PHC3: variants seen among roughly 807,000 people sequenced by gnomAD.
PHC3 encodes polyhomeotic homolog 3, also known as polyhomeotic-like protein 3.
A neutral mutation model predicts 107.4 loss-of-function variants in PHC3; 13 were observed. The observed-to-expected ratio is 0.12, with a 90% CI of 0.08 to 0.19. PHC3 has a LOEUF of 0.19. Among genes scored for constraint, PHC3 ranks in the 10% least tolerant of loss-of-function variants. The pLI, the probability that PHC3 is intolerant of heterozygous loss-of-function variation, is 1.00. For missense variants in PHC3, 992 were observed against 1,210.9 expected, an observed-to-expected ratio of 0.82 and a Z score of 2.68; for synonymous variants, 456 against 427.4, an observed-to-expected ratio of 1.07 and a Z score of -0.83.
At chr3:170,111,258 AGAAGAAGGAAGGAAG>A (rs1473738259) in intron 11 of PHC3, among the ~76,000 whole-genome samples, 143 of 139,702 alleles carry the variant, frequency 1.0e-3, no homozygotes, top group Non-Finnish European at 1.9e-3. Flanking sequence ...CTTTAAAACA[AGAAGAAGGAAGGAAG>A]GAAGGAAGGA....
At chr3:170,146,643 C>G (rs1725011719) in intron 5 of PHC3, among the ~76,000 whole-genome samples, 1 of 149,480 alleles carries the variant, frequency 6.7e-6, no homozygotes, top group Non-Finnish European at 1.5e-5. Context: ...AGCGATTCTC[C>G]TGCCTCAGCT....
At position 170,181,727 on chromosome 3, in the gene PHC3, C is replaced by T; in HGVS notation, c.-12G>A. ...TCCGCTTCCGCCATCTTCTCTCCTC[C>T]ATCACTAACATGGGCTGCGCATGCG... is the stretch of plus-strand genomic sequence containing the variant. On this transcript the variant is annotated 5_prime_UTR_variant, in exon 1 of 15. An upstream start codon of the reference 5' UTR is lost. Transcript: ENST00000495893. 2.4e-5 allele frequency: 38 copies of T among 1,612,624 alleles called. No individual in the cohort carries two copies. Among genetic ancestry groups the T allele is most frequent in the Non-Finnish European group, 3.1e-5 (37 of 1,179,798 alleles).
At position 170,130,412 on chromosome 3, in the gene PHC3, C is replaced by T. The variant is rs999029215; in HGVS notation, c.920-860G>A. Among the ~76,000 whole-genome samples, 6 of 152,026 alleles carry T rather than the reference C, an allele frequency of 3.9e-5. No individual in the cohort carries two copies. The East Asian group carries it at 1.2e-3, about 29-fold the overall frequency. ...GATGAGGGTATATATATCATTTGAC[C>T]CAGGAAGAGAAAATATTTTGTATAA... On this transcript the variant is annotated intron_variant, in intron 7 of 14. Transcript: ENST00000495893.
Position 170,129,481 on chromosome 3 carries a change from T to C in PHC3, c.991A>G (p.Lys331Glu), listed in dbSNP as rs1365396518. 6.2e-7 allele frequency: 1 copy of C among 1,613,798 alleles called. No individual in the cohort carries two copies. The highest frequency in any genetic ancestry group is 8.5e-7 in the Non-Finnish European group (1 of 1,179,804). Residue 331 changes from lysine to glutamate, a missense_variant, in exon 8 of 15, where the codon AAA becomes GAA. By Grantham distance (56) the Lys-to-Glu change is moderately conservative. This residue lies in a region of PHC3 where 543 missense variants were observed against 590.8 expected (regional missense o/e 0.92). Coordinates refer to ENST00000495893, the MANE Select transcript of PHC3 (RefSeq NM_024947.4). ...AATATCAGCTGATGATGGGAAACTT[T>C]GGAAGGTGGTGAATGAAGAGGAATC... Reference protein sequence around the residue: ...QQIPLHSPPSKVSHHQLILQQ... With the variant: ...QQIPLHSPPSEVSHHQLILQQ...
rs189255677 is a variant in PHC3, at chr3:170,112,047, A to G, written c.2353+1313T>C. On this transcript the variant is annotated intron_variant, in intron 11 of 14. Transcript: ENST00000495893. ...CTATCACCTGAAGGGCCATGATCAA[A>G]AAGATGCTCCTATAGAACACGGCAA... Among the ~76,000 whole-genome samples the G allele has an allele frequency of 2.5e-3, 384 of 152,326 alleles. 2 individuals carry two copies. The highest frequency in any genetic ancestry group is 4.5e-3 in the Non-Finnish European group (304 of 68,030).
In PHC3 at chr3:170,087,754, C is replaced by T. The variant is rs538724906; in HGVS notation, c.*9476G>A. The stretch of plus-strand genomic sequence containing the variant: ...ATTCTATATGAAAATGTGCAGGTAA[C>T]AAAGGTGCAATTACAAGCAAGTTAA... On this transcript the variant is annotated 3_prime_UTR_variant, in exon 15 of 15. Coordinates refer to ENST00000495893, the MANE Select transcript of PHC3 (RefSeq NM_024947.4). 2.0e-5 allele frequency: 3 copies of T among 152,210 alleles called. No homozygotes were observed. The South Asian group carries it at 6.2e-4, about 32-fold the overall frequency. The allele number at this position is 152,210 out of a possible 1,614,324, so 9.4% of individuals were successfully genotyped here.
intron 10 of PHC3, among the ~76,000 whole-genome samples, chr3:170,115,936 GCTAT>G (rs569633558): frequency 3.3e-5 from 5 of 151,306 alleles, no homozygotes; most frequent in Non-Finnish European, 5.9e-5. Context: ...TGATTGGGTA[GCTAT>G]CTATCATAAT....
chr3:170,135,994 T>C (rs1162457334), intron 7 of PHC3, among the ~76,000 whole-genome samples: 1 of 152,074 alleles, frequency 6.6e-6, no homozygotes, highest in African/African-American at 2.4e-5. Flanking sequence ...ATAAGGAAAA[T>C]AATTATGCAT....
chr3:170,145,345 T>C (rs143991091), intron 6 of PHC3, 78 bp downstream of exon 6: 87 of 1,215,012 alleles, frequency 7.2e-5, no homozygotes, highest in Admixed American at 1.8e-4. Flanking sequence ...ATCAGTAACT[T>C]AAACACAAAT....
At chr3:170,172,864 A>G (rs146571158) in intron 2 of PHC3, among the ~76,000 whole-genome samples, 152 bp from the exon 3 acceptor site, 1,853 of 152,242 alleles carry the variant, frequency 0.012, 40 homozygotes, top group African/African-American at 0.042. Flanking sequence ...TCCTAGTTAC[A>G]TATCACTAGA....
chr3:170,132,558 A>T (rs1186747122), intron 7 of PHC3, among the ~76,000 whole-genome samples: 2 of 152,212 alleles, frequency 1.3e-5, no homozygotes, highest in Non-Finnish European at 2.9e-5. Flanking sequence ...AAGACATCAG[A>T]GAGCTTCTGC....
chr3:170,171,819 T>C (rs1729643727), intron 3 of PHC3, among the ~76,000 whole-genome samples: 1 of 152,206 alleles, frequency 6.6e-6, no homozygotes, highest in African/African-American at 2.4e-5. Context: ...AAACATGTTA[T>C]TTAAAAATTA....
chr3:170,100,839 C>G (rs543406277), intron 14 of PHC3, among the ~76,000 whole-genome samples: 1 of 152,038 alleles, frequency 6.6e-6, no homozygotes, highest in South Asian at 2.1e-4. Context: ...ATTATTTGGG[C>G]AACTACTTTT....
At chr3:170,118,234 GAAC>G (rs960101996) in intron 9 of PHC3, among the ~76,000 whole-genome samples, 1 of 152,130 alleles carries the variant, frequency 6.6e-6, no homozygotes, top group African/African-American at 2.4e-5. Context: ...GAAATCCACA[GAAC>G]AAGTAGATTT....
intron 1 of PHC3, among the ~76,000 whole-genome samples, chr3:170,179,454 A>T (rs889878038): frequency 4.6e-5 from 7 of 152,214 alleles, no homozygotes; most frequent in Non-Finnish European, 5.9e-5. Context: ...TTTTTAAAAA[A>T]TGTTAAAAAG....
chr3:170,147,502 A>G (rs1428376729), intron 5 of PHC3: 1 of 152,218 alleles, frequency 6.6e-6, no homozygotes, highest in Non-Finnish European at 1.5e-5. Flanking sequence ...TCAAAACAAT[A>G]TTCATTTAAA....
chr3:170,168,089 G>A (rs1172333093), intron 4 of PHC3, among the ~76,000 whole-genome samples: 1 of 152,072 alleles, frequency 6.6e-6, no homozygotes. Context: ...TTGAGCCTGG[G>A]AGATTGAGGC....
chr3:170,102,914 T>C lies in PHC3; in HGVS notation c.2489A>G (p.Lys830Arg), dbSNP rs1345994352. Residue 830 changes from lysine (K) to arginine (R), a missense_variant, in exon 13 of 15, where the codon AAA (lysine) becomes AGA (arginine). By Grantham distance (26) the Lys-to-Arg change is conservative. Coordinates refer to ENST00000495893, the MANE Select transcript of PHC3 (RefSeq NM_024947.4). ...ATTCCAACGACTAAGTGCAAATTTT[T>C]TAGAACAGCTAACATTGTACCTAAG... ...CAKRYNVSCS[K>R]KFALSRWNRK... The C allele has an allele frequency of 1.9e-6, 3 of 1,612,904 alleles. No homozygotes were observed. The highest frequency in any genetic ancestry group is 2.5e-6 in the Non-Finnish European group (3 of 1,179,264).
chr3:170,136,985 A>G (rs936653247), intron 6 of PHC3, among the ~76,000 whole-genome samples: 3 of 152,146 alleles, frequency 2.0e-5, no homozygotes, highest in African/African-American at 7.2e-5. Context: ...ATAAAGAACT[A>G]AATAAAAGCA....
Sources: gnomAD v4.1 joint callset for allele counts (sites outside exome capture counted in the v4.1 genomes callset) on GRCh38, gnomAD v4.1.1 for gene constraint, gnomAD v4.1.1 regional missense constraint, MANE v1.5 for transcripts, NCBI Gene and HGNC (gene_info 2026-07-23, HGNC 2026-07-21) for gene names.